The following PCDHA6 variants were observed in gnomAD, a reference collection of about 807,000 sequenced individuals.
PCDHA6 encodes the protein protocadherin alpha 6.
Under a neutral mutation model 60.3 loss-of-function variants are expected in PCDHA6, and 55 were observed. That is an observed-to-expected ratio of 0.91 (90% confidence interval 0.73 to 1.14). The LOEUF (loss-of-function observed/expected upper bound fraction) is 1.14. PCDHA6 is among the 50% of genes most tolerant of loss of function. PCDHA6 has a pLI of 0.00. For missense variants in PCDHA6, 1,327 were observed against 1,256.5 expected, an observed-to-expected ratio of 1.06 and a Z score of -0.85; for synonymous variants, 652 against 557.9, an observed-to-expected ratio of 1.17 and a Z score of -2.38.
At chr5:140,927,598 T>G (rs2084398863) in intron 1 of PCDHA6, 1 of 1,614,046 alleles carries the variant, frequency 6.2e-7, no homozygotes, top group African/African-American at 1.3e-5. Flanking sequence ...ATTTGAGCGC[T>G]CCGTATACCG....
Position 140,857,808 on chromosome 5 carries a change from G to A in PCDHA6, c.2394+27323G>A. ...CTGGTGCTGCGGTCGGTGGTTGCGG[G>A]TCACGTGGTGGCTAAGGTGCGCGCA... On this transcript the variant is annotated intron_variant, in intron 1 of 3. Coordinates refer to ENST00000529310, the MANE Select transcript of PCDHA6 (RefSeq NM_018909.4). The A allele has an allele frequency of 4.4e-6, 7 of 1,597,848 alleles. 1 individual carries two copies. The highest frequency in any genetic ancestry group is 6.0e-6 in the Non-Finnish European group (7 of 1,167,652).
Position 140,956,653 on chromosome 5 carries a change from G to A in PCDHA6, c.2395-22296G>A, listed in dbSNP as rs146062919. ...TGCCAGGTTTTGGTATCAGGATGAT[G>A]CTGGCCTTAAAGGAGTTAGGGAGGA... On this transcript the variant is annotated intron_variant, in intron 1 of 3. Transcript: ENST00000529310. 5.2e-4 allele frequency among the ~76,000 whole-genome samples: 79 copies of A among 152,240 alleles called. 1 individual carries two copies. The highest frequency in any genetic ancestry group is 1.9e-3 in the African/African-American group (79 of 41,558).
chr5:140,890,128 G>T (rs1402157838), intron 1 of PCDHA6, among the ~76,000 whole-genome samples: 2 of 152,156 alleles, frequency 1.3e-5, no homozygotes, highest in East Asian at 3.9e-4. Context: ...CACTTTGGTA[G>T]CTTGAAATTG....
chr5:140,858,178 G>A (rs887914398), intron 1 of PCDHA6: 1 of 1,597,564 alleles, frequency 6.3e-7, no homozygotes, highest in East Asian at 2.2e-5. Flanking sequence ...GCTTGCTGGT[G>A]CTCACGCTGC....
intron 1 of PCDHA6, among the ~76,000 whole-genome samples, chr5:140,958,951 A>C (rs1212039253): frequency 6.6e-6 from 1 of 151,992 alleles, no homozygotes; most frequent in Non-Finnish European, 1.5e-5. Flanking sequence ...ATATTATATT[A>C]TTATAATTGT....
At chr5:140,928,388 C>T in intron 1 of PCDHA6, 1 of 1,614,012 alleles carries the variant, frequency 6.2e-7, no homozygotes, top group Non-Finnish European at 8.5e-7. Flanking sequence ...AGCTTGCTGG[C>T]AGTGGAATCA....
At chr5:140,836,843 A>G (rs1774773753) in intron 1 of PCDHA6, 2 of 826,772 alleles carry the variant, frequency 2.4e-6, no homozygotes, top group Admixed American at 6.3e-5. Context: ...AGCTTTATGT[A>G]TAATTATTAT....
intron 1 of PCDHA6, chr5:140,851,237 G>C (rs782702575): frequency 3.6e-6 from 4 of 1,101,536 alleles, no homozygotes; most frequent in Non-Finnish European, 4.6e-6. Flanking sequence ...TTTATTTATT[G>C]CTAAATGATG....
rs2150278849 is a variant in PCDHA6 at position 140,837,698 on chromosome 5, C to T, written c.2394+7213C>T. ...CTTTTTTCTTTCTTCTTTCAAGACA[C>T]GCTCTCACTCCATCACCCAGGCTGC... On this transcript the variant is annotated intron_variant, in intron 1 of 3. Coordinates refer to ENST00000529310, the MANE Select transcript of PCDHA6 (RefSeq NM_018909.4). Among the ~76,000 whole-genome samples, 9 of 151,044 alleles carry T rather than the reference C, an allele frequency of 6.0e-5. No homozygotes were observed. In the East Asian group the frequency reaches 7.8e-4, roughly 13 times the overall value.
chr5:140,907,914 T>A (rs2073690399), intron 1 of PCDHA6, among the ~76,000 whole-genome samples: 4 of 152,242 alleles, frequency 2.6e-5, no homozygotes, highest in Admixed American at 1.3e-4. Context: ...TTTTGACCAC[T>A]CAGAGAGGTC....
chr5:140,840,489 C>G (rs2150307286), intron 1 of PCDHA6, among the ~76,000 whole-genome samples: 3 of 151,924 alleles, frequency 2.0e-5, no homozygotes, highest in Non-Finnish European at 4.4e-5. Context: ...AGGCATAATT[C>G]TGGTAAATAC....
At chr5:140,940,611 C>T (rs782735444) in intron 1 of PCDHA6, among the ~76,000 whole-genome samples, 1 of 152,144 alleles carries the variant, frequency 6.6e-6, no homozygotes. Flanking sequence ...CTGCTCCTGG[C>T]TCCTGCAAAT....
chr5:140,955,641 A>G (rs173471), intron 1 of PCDHA6, among the ~76,000 whole-genome samples: 85,644 of 151,978 alleles, frequency 0.56, 24,753 homozygotes, highest in African/African-American at 0.69. Flanking sequence ...TGTGAGAACA[A>G]ATTAATACAC....
chr5:140,862,622 G>T (rs2047457580), intron 1 of PCDHA6: 8 of 530,260 alleles, frequency 1.5e-5, no homozygotes, highest in South Asian at 1.1e-4. Context: ...AACAACCCGC[G>T]GGGCTGCCAC....
rs1770489810 is a variant in PCDHA6 at position 140,829,682 on chromosome 5, C to T, written c.1591C>T (p.Leu531=). The part of the protein sequence containing the change: ...QPLDHEELEL[L]QFQVSARDAG... ...GCTGGACCACGAGGAGCTAGAGCTG[C>T]TGCAGTTTCAGGTGAGCGCGCGCGA... The change falls in exon 1 of 4, where the codon CTG becomes TTG. Residue 531 remains leucine (L), a synonymous_variant. Transcript: ENST00000529310. The T allele has an allele frequency of 6.2e-7, 1 of 1,613,140 alleles. No homozygotes were observed. Among genetic ancestry groups the T allele is most frequent in the Admixed American group, 1.7e-5 (1 of 59,996 alleles).
At chr5:140,841,597 C>G (rs2150318902) in intron 1 of PCDHA6, 20 of 1,614,072 alleles carry the variant, frequency 1.2e-5, no homozygotes, top group East Asian at 2.2e-5. Context: ...GGATCGACCG[C>G]GAGGAGCTGT....
chr5:140,867,486 A>G (rs2049987159), intron 1 of PCDHA6: 1 of 152,146 alleles, frequency 6.6e-6, no homozygotes, highest in South Asian at 2.1e-4. Context: ...AAGAGTAAAT[A>G]TGAAAAAAGT....
rs2150454845 is a variant in PCDHA6, at chr5:140,849,865, A to G, written c.2394+19380A>G. On this transcript the variant is annotated intron_variant, in intron 1 of 3. Coordinates refer to ENST00000529310, the MANE Select transcript of PCDHA6 (RefSeq NM_018909.4). ...AACGACAACGCACCAGCGTTCGCGC[A>G]GTCCGAGTACACGGTGTTCGTGAAG... The G allele has an allele frequency of 3.1e-6, 5 of 1,598,572 alleles. 1 individual carries two copies. The Admixed American group carries it at 8.4e-5, about 27-fold the overall frequency.
At chr5:140,840,377 TA>T (rs1239184910) in intron 1 of PCDHA6, among the ~76,000 whole-genome samples, 2 of 151,814 alleles carry the variant, frequency 1.3e-5, no homozygotes, top group Non-Finnish European at 2.9e-5. Context: ...AAAATGAAAA[TA>T]GGGGGTTGCA....
Sources: gnomAD v4.1 joint callset for allele counts (sites outside exome capture counted in the v4.1 genomes callset) on GRCh38, gnomAD v4.1.1 for gene constraint, MANE v1.5 for transcripts, NCBI Gene and HGNC (gene_info 2026-07-23, HGNC 2026-07-21) for gene names.